The following DPP10 variants were observed in gnomAD, a reference collection of about 807,000 sequenced individuals.
DPP10 encodes dipeptidyl peptidase like 10.
A neutral mutation model predicts 120.9 loss-of-function variants in DPP10; 33 were observed. That is an observed-to-expected ratio of 0.27 (90% CI 0.21 to 0.37). The LOEUF is 0.37. DPP10 is among the 10% of genes least tolerant of loss of function. The pLI, the probability that DPP10 is intolerant of heterozygous loss-of-function variation, is 1.00. For missense variants in DPP10, 816 were observed against 942.8 expected (o/e 0.87, Z 1.76); for synonymous variants, 337 against 326.1 (o/e 1.03, Z -0.36).
At chr2:114,747,345 A>G (rs1463895895) in intron 1 of DPP10, among the ~76,000 whole-genome samples, 1 of 152,222 alleles carries the variant, frequency 6.6e-6, no homozygotes, top group African/African-American at 2.4e-5. Context: ...TGTGATAACT[A>G]TAAGATCCTT....
At chr2:114,481,615 A>G (rs1029015928) in intron 1 of DPP10, among the ~76,000 whole-genome samples, 5 of 152,172 alleles carry the variant, frequency 3.3e-5, no homozygotes, top group Admixed American at 1.3e-4. Flanking sequence ...ATGGAATACT[A>G]TTCAACAATG....
chr2:115,304,863 C>T (rs1022885120), intron 1 of DPP10, among the ~76,000 whole-genome samples: 2 of 151,978 alleles, frequency 1.3e-5, no homozygotes, highest in Non-Finnish European at 2.9e-5. Flanking sequence ...TGAATTTGGA[C>T]TTAGATAAAT....
chr2:114,813,716 A>AT (rs35714406), intron 1 of DPP10, among the ~76,000 whole-genome samples: 5,438 of 127,878 alleles, frequency 0.043, 127 homozygotes, highest in Non-Finnish European at 0.063. Flanking sequence ...ATGGAATTAA[A>AT]TTTTTTTTTT....
chr2:115,837,572 T>C (rs902680606), intron 24 of DPP10, among the ~76,000 whole-genome samples: 1 of 152,210 alleles, frequency 6.6e-6, no homozygotes, highest in Admixed American at 6.5e-5. Context: ...AATGATTTGC[T>C]TCAAGGGTAC....
chr2:115,238,201 A>G (rs142466455), intron 1 of DPP10, among the ~76,000 whole-genome samples: 13 of 152,214 alleles, frequency 8.5e-5, no homozygotes, highest in African/African-American at 3.1e-4. Flanking sequence ...CTTTCTGAAA[A>G]CCCTAAGGAC....
intron 1 of DPP10, among the ~76,000 whole-genome samples, chr2:114,534,742 A>G (rs1051612876): frequency 2.6e-5 from 4 of 151,096 alleles, no homozygotes; most frequent in African/African-American, 7.3e-5. Flanking sequence ...CAACAATTTT[A>G]TGGTGCAGCA....
chr2:114,602,523 C>A (rs1399447443), intron 1 of DPP10, among the ~76,000 whole-genome samples: 2 of 151,940 alleles, frequency 1.3e-5, no homozygotes, highest in Non-Finnish European at 2.9e-5. Flanking sequence ...CAGAGAGATT[C>A]CATGCTAAGT....
At chr2:114,686,426 TAAAGA>T (rs1193675879) in intron 1 of DPP10, among the ~76,000 whole-genome samples, 2 of 151,768 alleles carry the variant, frequency 1.3e-5, no homozygotes, top group South Asian at 2.1e-4. Flanking sequence ...TTCACAAAAT[TAAAGA>T]AAAGAATGGC....
chr2:114,782,532 G>A (rs887602028), intron 1 of DPP10, among the ~76,000 whole-genome samples: 3 of 151,872 alleles, frequency 2.0e-5, no homozygotes, highest in African/African-American at 4.8e-5. Context: ...GTAGGGGGGT[G>A]TTACATTGAC....
Position 115,088,750 on chromosome 2 carries a change from C to CAA in DPP10, c.61-220471_61-220470dup, listed in dbSNP as rs70941027. On this transcript the variant is annotated intron_variant, in intron 1 of 25. Transcript: ENST00000410059. ...TACAGCTGTGAGCCACTGTGCCTGA[C>CAA]AAAAAAAAAAAAAAAAAAACCAAAA... is the stretch of plus-strand genomic sequence containing the variant. Among the ~76,000 whole-genome samples, 29 of 65,040 alleles carry CAA rather than the reference C, an allele frequency of 4.5e-4. 1 individual carries two copies. Among genetic ancestry groups the CAA allele is most frequent in the African/African-American group, 1.4e-3 (25 of 17,938 alleles). 42.7% of individuals were successfully genotyped at this position (65,040 alleles called of 152,430 possible). A position where few individuals can be genotyped will look rare whatever the true frequency, so the allele number is the denominator to read the frequency against.
intron 4 of DPP10, among the ~76,000 whole-genome samples, chr2:115,514,981 T>C (rs2077425736): frequency 6.6e-6 from 1 of 151,938 alleles, no homozygotes; most frequent in African/African-American, 2.4e-5. Flanking sequence ...TATGTGTATA[T>C]GTAAGTGTAT....
At chr2:115,749,858 G>T in intron 10 of DPP10, 1 of 292,028 alleles carries the variant, frequency 3.4e-6, no homozygotes, top group South Asian at 1.3e-4. Context: ...ATACCTGTCT[G>T]CAGGTGATGC....
chr2:115,321,236 G>A (rs569993489), intron 2 of DPP10, among the ~76,000 whole-genome samples: 26 of 152,284 alleles, frequency 1.7e-4, no homozygotes, highest in Middle Eastern at 3.4e-3. Flanking sequence ...AGGAGGCAGA[G>A]GCTGCAGTGA....
At chr2:114,467,732 G>T (rs950109528) in intron 1 of DPP10, among the ~76,000 whole-genome samples, 2 of 152,172 alleles carry the variant, frequency 1.3e-5, no homozygotes, top group African/African-American at 4.8e-5. Context: ...AGGCACGGCG[G>T]CTCACGCTTG....
At chr2:115,413,499 C>T (rs1327424097) in intron 3 of DPP10, among the ~76,000 whole-genome samples, 1 of 152,044 alleles carries the variant, frequency 6.6e-6, no homozygotes, top group East Asian at 1.9e-4. Flanking sequence ...TTTATATTTT[C>T]TCTACTTTTT....
At chr2:115,373,094 C>A (rs534860947) in intron 3 of DPP10, among the ~76,000 whole-genome samples, 2 of 152,254 alleles carry the variant, frequency 1.3e-5, no homozygotes, top group East Asian at 3.9e-4. Flanking sequence ...TGAAAGAGAT[C>A]AGGGAAAGTT....
chr2:115,486,798 C>T (rs575312639), intron 3 of DPP10, among the ~76,000 whole-genome samples: 9 of 152,186 alleles, frequency 5.9e-5, no homozygotes, highest in Non-Finnish European at 1.0e-4. Context: ...ATGAAATGGT[C>T]GTGTGAAAAT....
intron 5 of DPP10, among the ~76,000 whole-genome samples, chr2:115,656,679 A>G (rs2088381901): frequency 1.3e-5 from 2 of 151,760 alleles, no homozygotes; most frequent in Admixed American, 6.6e-5. Flanking sequence ...AAATTAGCTG[A>G]AATAAGTTTC....
chr2:115,154,959 T>G (rs1573810431), intron 1 of DPP10, among the ~76,000 whole-genome samples: 1 of 151,822 alleles, frequency 6.6e-6, no homozygotes, highest in African/African-American at 2.4e-5. Flanking sequence ...TGGCGCCATC[T>G]TGGCTCACTG....
Sources: allele counts gnomAD v4.1 joint callset (sites outside exome capture counted in the v4.1 genomes callset), GRCh38; gene constraint gnomAD v4.1.1; transcripts MANE v1.5; gene names NCBI Gene and HGNC (gene_info 2026-07-23, HGNC 2026-07-21).